The following IL1RAPL2 variants were observed in gnomAD, a reference collection of about 807,000 sequenced individuals.
IL1RAPL2 encodes X-linked interleukin-1 receptor accessory protein-like 2.
In IL1RAPL2, 3 loss-of-function variants were observed where a neutral mutation model predicts 44.1. The observed-to-expected ratio is 0.07, with a 90% confidence interval of 0.03 to 0.18. The LOEUF (loss-of-function observed/expected upper bound fraction) is 0.18. Among genes scored for constraint, IL1RAPL2 ranks in the 10% least tolerant of loss-of-function variants. The pLI is 1.00. For missense variants in IL1RAPL2, 391 were observed against 496.4 expected (o/e 0.79, Z 2.02); for synonymous variants, 181 against 178.8 (o/e 1.01, Z -0.10).
chrX:105,532,139 C>T (rs1281689125), intron 6 of IL1RAPL2, among the ~76,000 whole-genome samples: 2 of 111,896 alleles, frequency 1.8e-5, no homozygotes, highest in South Asian at 3.7e-4. Context: ...TATTTTGAAA[C>T]CATGGGATAT....
intron 2 of IL1RAPL2, among the ~76,000 whole-genome samples, chrX:105,088,659 T>C (rs964212599): frequency 3.6e-5 from 4 of 111,616 alleles, no homozygotes; most frequent in Non-Finnish European, 7.5e-5. Flanking sequence ...CTACACATGA[T>C]GTTGGGATTA....
chrX:105,197,603 A>G (rs2033682427), intron 3 of IL1RAPL2, among the ~76,000 whole-genome samples: 1 of 111,333 alleles, frequency 9.0e-6, no homozygotes, highest in Admixed American at 9.6e-5. Context: ...TGATCCCTAC[A>G]TGCATTTCCC....
intron 2 of IL1RAPL2, among the ~76,000 whole-genome samples, chrX:104,867,748 C>CTGATGGAT (rs1311543132): frequency 3.6e-5 from 4 of 111,766 alleles, no homozygotes; most frequent in African/African-American, 1.3e-4. Context: ...TGCAGTATGA[C>CTGATGGAT]TGATGGATTG....
At chrX:104,862,542 C>T (rs1922521675) in intron 2 of IL1RAPL2, among the ~76,000 whole-genome samples, 1 of 109,891 alleles carries the variant, frequency 9.1e-6, no homozygotes, top group South Asian at 3.9e-4. Flanking sequence ...ACCAACAAAC[C>T]AAAAAAAGAA....
chrX:105,220,402 G>A (rs781979617), intron 3 of IL1RAPL2: 7 of 1,171,427 alleles, frequency 6.0e-6, no homozygotes, highest in South Asian at 2.0e-5. Context: ...GGCCATGATC[G>A]CCTAGGGGTT....
intron 1 of IL1RAPL2, among the ~76,000 whole-genome samples, chrX:104,593,621 C>G (rs892730558): frequency 8.9e-6 from 1 of 112,281 alleles, no homozygotes; most frequent in African/African-American, 3.2e-5. Flanking sequence ...CATTTCATCT[C>G]TTCCAAGGAC....
intron 2 of IL1RAPL2, among the ~76,000 whole-genome samples, chrX:105,008,016 C>A (rs760686558): frequency 8.8e-6 from 1 of 113,891 alleles, no homozygotes; most frequent in African/African-American, 3.2e-5. Flanking sequence ...GCAATACTAT[C>A]TGTCTTAGTC....
chrX:105,716,781 C>T (rs767416901), intron 6 of IL1RAPL2, among the ~76,000 whole-genome samples: 2 of 111,666 alleles, frequency 1.8e-5, no homozygotes, highest in Non-Finnish European at 1.9e-5. Flanking sequence ...TATTATGATA[C>T]GTCTTCTCAC....
chrX:104,694,745 T>C (rs79210605), intron 2 of IL1RAPL2, among the ~76,000 whole-genome samples: 1 of 111,369 alleles, frequency 9.0e-6, no homozygotes, highest in African/African-American at 3.3e-5. Flanking sequence ...AGAGGTAAGG[T>C]TGATCAACTG....
At chrX:104,934,533 A>G (rs1040318287) in intron 2 of IL1RAPL2, among the ~76,000 whole-genome samples, 1 of 111,691 alleles carries the variant, frequency 9.0e-6, no homozygotes, top group South Asian at 3.7e-4. Context: ...CTCAGAAAGC[A>G]GTGAAAAAGA....
At chrX:104,913,718 T>C (rs1175226910) in intron 2 of IL1RAPL2, among the ~76,000 whole-genome samples, 1 of 112,353 alleles carries the variant, frequency 8.9e-6, no homozygotes, top group East Asian at 2.8e-4. Flanking sequence ...TTCAGAATTT[T>C]GCAAATGCCA....
chrX:105,614,798 C>T (rs775430836), intron 6 of IL1RAPL2, among the ~76,000 whole-genome samples: 1 of 111,779 alleles, frequency 8.9e-6, no homozygotes. Flanking sequence ...ACCCCACAAA[C>T]ACAGGCAACT....
At chrX:105,723,116 C>T (rs943825292) in intron 7 of IL1RAPL2, among the ~76,000 whole-genome samples, 4 of 111,512 alleles carry the variant, frequency 3.6e-5, no homozygotes, top group African/African-American at 1.3e-4. Context: ...AGCCATGCCA[C>T]ACCCTCAGTA....
At chrX:105,088,805 TA>T (rs1407396638) in intron 2 of IL1RAPL2, among the ~76,000 whole-genome samples, 2 of 111,269 alleles carry the variant, frequency 1.8e-5, no homozygotes, top group African/African-American at 6.5e-5. Context: ...TTGCTAATCT[TA>T]AATCCTACTT....
chrX:105,329,254 G>A, intron 5 of IL1RAPL2, among the ~76,000 whole-genome samples: 1 of 111,752 alleles, frequency 8.9e-6, no homozygotes, highest in Middle Eastern at 4.6e-3. Flanking sequence ...GATGCATAGT[G>A]TTAAATACAA....
At chrX:105,714,896 T>C (rs2038243822) in intron 6 of IL1RAPL2, among the ~76,000 whole-genome samples, 1 of 112,401 alleles carries the variant, frequency 8.9e-6, no homozygotes, top group Admixed American at 9.4e-5. Context: ...TGCATATGTG[T>C]AAGAGTGACA....
At chrX:104,752,651 C>T (rs1295115666) in intron 2 of IL1RAPL2, among the ~76,000 whole-genome samples, 1 of 109,689 alleles carries the variant, frequency 9.1e-6, no homozygotes, top group Non-Finnish European at 1.9e-5. Context: ...TACTATGGGC[C>T]TTTGTTAGGT....
intron 2 of IL1RAPL2, among the ~76,000 whole-genome samples, chrX:104,661,062 G>A (rs1032422512): frequency 2.7e-5 from 3 of 111,538 alleles, no homozygotes; most frequent in East Asian, 2.8e-4. Context: ...CTTGTTAAGC[G>A]TGAGGCTATT....
chrX:104,880,075 A>T (rs936671719), intron 2 of IL1RAPL2, among the ~76,000 whole-genome samples: 2 of 108,804 alleles, frequency 1.8e-5, no homozygotes, highest in East Asian at 2.9e-4. Flanking sequence ...CTGTTTTGCA[A>T]TTTTTTTTTA....
Sources: allele counts gnomAD v4.1 joint callset (sites outside exome capture counted in the v4.1 genomes callset), GRCh38; gene constraint gnomAD v4.1.1; transcripts MANE v1.5; gene names NCBI Gene and HGNC (gene_info 2026-07-23, HGNC 2026-07-21).